Variants in IL1RAPL2 observed in about 807,000 individuals in gnomAD.
IL1RAPL2 encodes interleukin 1 receptor accessory protein like 2.
A neutral mutation model predicts 44.1 loss-of-function variants in IL1RAPL2; 3 were observed. The ratio of observed to expected loss-of-function variants is 0.07; its 90% confidence interval spans 0.03 to 0.18. The LOEUF (loss-of-function observed/expected upper bound fraction) is 0.18. Among genes scored for constraint, IL1RAPL2 ranks in the 10% least tolerant of loss-of-function variants. The pLI is 1.00. For missense variants in IL1RAPL2, 391 were observed against 496.4 expected (o/e 0.79, Z 2.02); for synonymous variants, 181 against 178.8 (o/e 1.01, Z -0.10).
intron 2 of IL1RAPL2, among the ~76,000 whole-genome samples, chrX:104,875,796 A>G (rs911250029): frequency 8.1e-5 from 9 of 111,363 alleles, no homozygotes; most frequent in Non-Finnish European, 1.7e-4. Context: ...TCCTTGCTTT[A>G]TTTTTCTACT....
At chrX:105,261,871 C>T (rs1487402560) in intron 4 of IL1RAPL2, among the ~76,000 whole-genome samples, 1 of 111,531 alleles carries the variant, frequency 9.0e-6, no homozygotes, top group African/African-American at 3.3e-5. Flanking sequence ...GACTAGGTCT[C>T]AGTGTTTTAG....
At chrX:105,554,764 A>G (rs2036884944) in intron 6 of IL1RAPL2, among the ~76,000 whole-genome samples, 1 of 111,567 alleles carries the variant, frequency 9.0e-6, no homozygotes, top group African/African-American at 3.3e-5. Flanking sequence ...TTTAATTTTT[A>G]TATCTTCTAT....
intron 2 of IL1RAPL2, among the ~76,000 whole-genome samples, chrX:104,855,681 G>GTGTTTGTTTTTTTTTTTTTTTTT: frequency 1.9e-5 from 1 of 53,880 alleles, no homozygotes; most frequent in Non-Finnish European, 4.1e-5. Context: ...ATCTGGATCC[G>GTGTTTGTTTTTTTTTTTTTTTTT]TTTTTTTTTT....
intron 5 of IL1RAPL2, among the ~76,000 whole-genome samples, chrX:105,315,935 A>T (rs1333429226): frequency 9.1e-6 from 1 of 109,790 alleles, no homozygotes; most frequent in Non-Finnish European, 1.9e-5. Context: ...AACAGATGGA[A>T]CTAACACTGG....
At chrX:104,914,245 G>A (rs1012313874) in intron 2 of IL1RAPL2, among the ~76,000 whole-genome samples, 1 of 111,796 alleles carries the variant, frequency 8.9e-6, no homozygotes, top group Non-Finnish European at 1.9e-5. Context: ...ATTGGAAATC[G>A]AAATTGTGGA....
intron 6 of IL1RAPL2, among the ~76,000 whole-genome samples, chrX:105,560,641 A>C (rs2036929278): frequency 9.1e-6 from 1 of 110,123 alleles, no homozygotes; most frequent in South Asian, 3.9e-4. Flanking sequence ...GCTGTTCCCA[A>C]ACTCCTACCT....
intron 6 of IL1RAPL2, among the ~76,000 whole-genome samples, chrX:105,633,447 T>C (rs1396533237): frequency 8.9e-6 from 1 of 111,787 alleles, no homozygotes; most frequent in Non-Finnish European, 1.9e-5. Context: ...TGTTTATTGA[T>C]CTTCAAAGAA....
At chrX:104,843,998 A>G (rs750220995) in intron 2 of IL1RAPL2, among the ~76,000 whole-genome samples, 10 of 110,085 alleles carry the variant, frequency 9.1e-5, no homozygotes, top group African/African-American at 3.0e-4. Context: ...ACTGAGCAAC[A>G]TTTCTGTATA....
intron 2 of IL1RAPL2, among the ~76,000 whole-genome samples, chrX:104,999,717 TG>T (rs2030817703): frequency 9.0e-6 from 1 of 111,374 alleles, no homozygotes. Context: ...TTCTACACAG[TG>T]GTATGCATAC....
chrX:105,420,590 A>G (rs939733997), intron 5 of IL1RAPL2, among the ~76,000 whole-genome samples: 3 of 112,029 alleles, frequency 2.7e-5, no homozygotes, highest in Admixed American at 1.9e-4. Context: ...ACAAAATTGC[A>G]TTAAAAGTTA....
chrX:104,637,214 G>A (rs1929832119), intron 1 of IL1RAPL2, among the ~76,000 whole-genome samples: 1 of 111,226 alleles, frequency 9.0e-6, no homozygotes. Flanking sequence ...TATCAGATCT[G>A]ATAGTTTTTT....
chrX:104,634,073 C>G (rs1215058181), intron 1 of IL1RAPL2, among the ~76,000 whole-genome samples: 1 of 111,462 alleles, frequency 9.0e-6, no homozygotes, highest in Non-Finnish European at 1.9e-5. Flanking sequence ...CAAAGAACAT[C>G]TTTATTACTG....
At chrX:105,527,223 C>G (rs1220393429) in intron 6 of IL1RAPL2, among the ~76,000 whole-genome samples, 1 of 110,821 alleles carries the variant, frequency 9.0e-6, no homozygotes, top group African/African-American at 3.3e-5. Context: ...TGACAGAAGA[C>G]ATAATTTAAA....
intron 5 of IL1RAPL2, among the ~76,000 whole-genome samples, chrX:105,422,585 C>T (rs2035780975): frequency 8.9e-6 from 1 of 111,797 alleles, no homozygotes; most frequent in African/African-American, 3.2e-5. Flanking sequence ...TAGAGAGAAA[C>T]AAATATATTC....
rs111335489 is a variant in IL1RAPL2 at position 104,656,667 on chromosome X, G to T, written c.-19-2228G>T. On this transcript the variant is annotated intron_variant, in intron 1 of 10. Coordinates refer to ENST00000372582, the MANE Select transcript of IL1RAPL2 (RefSeq NM_017416.2). ...GTATATTCTGTTGATTTGGGGTGTA[G>T]AGTTCTTTAGATTTCTATTAGGTCC... Among the ~76,000 whole-genome samples the T allele has an allele frequency of 6.7e-3, 751 of 111,798 alleles. 9 individuals are homozygous for T. Among genetic ancestry groups the T allele is most frequent in the Middle Eastern group, 0.037 (8 of 217 alleles).
chrX:105,603,430 C>T (rs2037268688), intron 6 of IL1RAPL2, among the ~76,000 whole-genome samples: 1 of 111,245 alleles, frequency 9.0e-6, no homozygotes, highest in African/African-American at 3.3e-5. Flanking sequence ...ACTGTTAAAA[C>T]AACCATACAA....
In IL1RAPL2 at chrX:105,226,705, G is replaced by A. The variant is rs182608274; in HGVS notation, c.357-7113G>A. On this transcript the variant is annotated intron_variant, in intron 3 of 10. Coordinates refer to ENST00000372582, the MANE Select transcript of IL1RAPL2 (RefSeq NM_017416.2). ...GTGTGAGCCACTGGGCCCAGCCCCC[G>A]TTACCATTCTTAACACTTGCATAAT... 3.8e-3 allele frequency among the ~76,000 whole-genome samples: 416 copies of A among 109,961 alleles called. 2 individuals carry two copies. The highest frequency in any genetic ancestry group is 0.014 in the African/African-American group (408 of 30,205).
At chrX:104,647,214 G>A (rs1415943610) in intron 1 of IL1RAPL2, 3 of 342,301 alleles carry the variant, frequency 8.8e-6, no homozygotes, top group Non-Finnish European at 1.7e-5. Context: ...TGGGACAGCT[G>A]GAGGAGGCAG....
intron 2 of IL1RAPL2, among the ~76,000 whole-genome samples, chrX:105,057,776 A>ATT (rs759740430): frequency 3.7e-5 from 4 of 107,993 alleles, no homozygotes; most frequent in African/African-American, 1.4e-4. Context: ...TTATTTATTT[A>ATT]TTTTTTTTTA....
Sources: allele counts gnomAD v4.1 joint callset (sites outside exome capture counted in the v4.1 genomes callset), GRCh38; gene constraint gnomAD v4.1.1; transcripts MANE v1.5; gene names NCBI Gene and HGNC (gene_info 2026-07-23, HGNC 2026-07-21).